Variants in KDM2A observed in about 807,000 individuals in gnomAD.
KDM2A encodes the protein lysine demethylase 2A, also known as lysine-specific demethylase 2A.
KDM2A carries 3 observed loss-of-function variants against 137.3 expected under a neutral mutation model. That is an observed-to-expected ratio of 0.02 (90% confidence interval 0.01 to 0.06). The LOEUF is 0.06. Among genes scored for constraint, KDM2A ranks in the 10% least tolerant of loss-of-function variants. The pLI, the probability that KDM2A is intolerant of heterozygous loss-of-function variation, is 1.00. For missense variants in KDM2A, 738 were observed against 1,510.6 expected, an observed-to-expected ratio of 0.49 and a Z score of 8.48; for synonymous variants, 512 against 541.5, an observed-to-expected ratio of 0.95 and a Z score of 0.76.
chr11:67,218,995 A>G (rs1018296868), intron 9 of KDM2A, among the ~76,000 whole-genome samples: 5 of 152,238 alleles, frequency 3.3e-5, no homozygotes, highest in Admixed American at 2.6e-4. Flanking sequence ...CCTGAATTGT[A>G]AACTATCTTG....
At chr11:67,215,148 CAT>C (rs1462768556) in intron 6 of KDM2A, among the ~76,000 whole-genome samples, 190 bp from the exon 7 acceptor site, 1 of 152,136 alleles carries the variant, frequency 6.6e-6, no homozygotes, top group Non-Finnish European at 1.5e-5. Context: ...TCTTTATTCT[CAT>C]ATAACAATTA....
At chr11:67,146,804 AT>A (rs1317246560) in intron 2 of KDM2A, among the ~76,000 whole-genome samples, 4 of 152,108 alleles carry the variant, frequency 2.6e-5, no homozygotes, top group African/African-American at 9.7e-5. Context: ...TGCCTGGAAC[AT>A]TCTTTAATAT....
In KDM2A at chr11:67,149,884, C is replaced by T. The variant is rs950505310; in HGVS notation, c.42+28526C>T. ...TACAGGCATGCGCCACCAGTCCCAGCTAATTTTGTATTTTTAGTAGAAGAG... is the reference window on the plus strand; with the variant it reads ...TACAGGCATGCGCCACCAGTCCCAGTTAATTTTGTATTTTTAGTAGAAGAG... On this transcript the variant is annotated intron_variant, in intron 2 of 20. Transcript: ENST00000529006. 2.6e-5 allele frequency among the ~76,000 whole-genome samples: 4 copies of T among 152,176 alleles called. No individual in the cohort carries two copies. In the South Asian group the frequency reaches 8.3e-4, roughly 32 times the overall value.
chr11:67,228,510 G>T (rs1590807437), intron 11 of KDM2A, among the ~76,000 whole-genome samples: 1 of 151,974 alleles, frequency 6.6e-6, no homozygotes, highest in East Asian at 1.9e-4. Context: ...GGGAAACATG[G>T]CAAAACCCCA....
chr11:67,140,528 G>A (rs1856075509), intron 2 of KDM2A, among the ~76,000 whole-genome samples: 1 of 152,012 alleles, frequency 6.6e-6, no homozygotes, highest in South Asian at 2.1e-4. Flanking sequence ...GAAGCGGGTG[G>A]ATCACCTGAG....
intron 2 of KDM2A, among the ~76,000 whole-genome samples, chr11:67,171,032 G>A (rs1206434755): frequency 6.6e-6 from 1 of 152,132 alleles, no homozygotes; most frequent in Non-Finnish European, 1.5e-5. Context: ...ATCTCATAGG[G>A]ATGTTGGATT....
At position 67,219,381 on chromosome 11, in the gene KDM2A, A is replaced by G. The variant is rs1164221576; in HGVS notation, c.935A>G (p.Tyr312Cys). 6.2e-7 allele frequency: 1 copy of G among 1,604,554 alleles called. No individual in the cohort carries two copies. The highest frequency in any genetic ancestry group is 8.5e-7 in the Non-Finnish European group (1 of 1,175,012). Reference sequence around the variant, plus strand: ...AACATCCCTATGCAGTTAAAAATATACAACATTGAAGATCGGACACGGGTA... The same window carrying G: ...AACATCCCTATGCAGTTAAAAATATGCAACATTGAAGATCGGACACGGGTA... ...SFNIPMQLKI[Y>C]NIEDRTRVPN... Residue 312 changes from tyrosine to cysteine, a missense_variant, in exon 10 of 21, where the codon TAC (tyrosine) becomes TGC (cysteine). Transcript: ENST00000529006.
intron 2 of KDM2A, among the ~76,000 whole-genome samples, chr11:67,133,824 G>C (rs1223241541): frequency 1.3e-5 from 2 of 151,920 alleles, no homozygotes; most frequent in Admixed American, 1.3e-4. Context: ...GCCTCAGCCA[G>C]CTGGGTTTAC....
At chr11:67,246,513 T>G (rs1859211648) in intron 15 of KDM2A, among the ~76,000 whole-genome samples, 1 of 151,714 alleles carries the variant, frequency 6.6e-6, no homozygotes, top group African/African-American at 2.4e-5. Context: ...GATAATAATA[T>G]CAGATAACAT....
intron 17 of KDM2A, chr11:67,252,443 A>G (rs1176198850): frequency 2.0e-6 from 1 of 493,920 alleles, no homozygotes; most frequent in Admixed American, 3.2e-5. Context: ...AACACTCCAG[A>G]ATAAATCAGG....
chr11:67,178,845 T>A (rs1565390813), intron 2 of KDM2A, among the ~76,000 whole-genome samples: 2 of 152,258 alleles, frequency 1.3e-5, no homozygotes, highest in Non-Finnish European at 2.9e-5. Context: ...ATAACACTAG[T>A]GTAAACATTT....
chr11:67,248,455 T>C (rs1267468878), intron 16 of KDM2A, 85 bp downstream of exon 16: 9 of 860,996 alleles, frequency 1.0e-5, no homozygotes, highest in African/African-American at 3.4e-5. Context: ...TTTGCATTAG[T>C]GTTCACACAG....
At chr11:67,140,376 TATC>T (rs770974719) in intron 2 of KDM2A, among the ~76,000 whole-genome samples, 1 of 150,786 alleles carries the variant, frequency 6.6e-6, no homozygotes, top group Non-Finnish European at 1.5e-5. Context: ...AAAAAAAAAA[TATC>T]ATGGTTTTAT....
chr11:67,192,742 G>A (rs1857388001), intron 5 of KDM2A, among the ~76,000 whole-genome samples: 1 of 151,812 alleles, frequency 6.6e-6, no homozygotes, highest in South Asian at 2.1e-4. Context: ...ACCGTGCCTG[G>A]CCTCCATTTC....
rs894459669 is a variant in KDM2A, at chr11:67,120,574, C to T, written c.-84+525C>T. On this transcript the variant is annotated intron_variant, in intron 1 of 20. Coordinates refer to ENST00000529006, the MANE Select transcript of KDM2A (RefSeq NM_012308.3). ...CAATCGTTTATTTTATTACTTTATCCAAAAAGATCAGATGGAATTTTGGTC... is the reference window on the plus strand; with the variant it reads ...CAATCGTTTATTTTATTACTTTATCTAAAAAGATCAGATGGAATTTTGGTC... 3.9e-5 allele frequency among the ~76,000 whole-genome samples: 6 copies of T among 152,106 alleles called. No individual in the cohort carries two copies. In the South Asian group the frequency reaches 1.2e-3, roughly 31 times the overall value.
chr11:67,212,511 T>C (rs1168119224), intron 6 of KDM2A, among the ~76,000 whole-genome samples: 1 of 152,134 alleles, frequency 6.6e-6, no homozygotes, highest in Non-Finnish European at 1.5e-5. Flanking sequence ...AGGCTATGAG[T>C]TGTTTATGAA....
chr11:67,184,358 G>T (rs1289543615), intron 5 of KDM2A, among the ~76,000 whole-genome samples: 1 of 151,888 alleles, frequency 6.6e-6, no homozygotes, highest in Non-Finnish European at 1.5e-5. Context: ...GGCCGGGTGC[G>T]GTGGTTGACG....
intron 5 of KDM2A, among the ~76,000 whole-genome samples, chr11:67,194,207 T>C (rs1036288175): frequency 6.6e-6 from 1 of 152,218 alleles, no homozygotes; most frequent in African/African-American, 2.4e-5. Context: ...TCTCAGTTCT[T>C]GCTTCAATGA....
At chr11:67,236,775 A>G (rs1244721729) in intron 12 of KDM2A, among the ~76,000 whole-genome samples, 1 of 152,200 alleles carries the variant, frequency 6.6e-6, no homozygotes, top group South Asian at 2.1e-4. Context: ...AGCCAGAAAA[A>G]AGTTAGATGT....
Sources: allele counts gnomAD v4.1 joint callset (sites outside exome capture counted in the v4.1 genomes callset), GRCh38; gene constraint gnomAD v4.1.1; transcripts MANE v1.5; gene names NCBI Gene and HGNC (gene_info 2026-07-23, HGNC 2026-07-21).